CDH2: variants seen among roughly 807,000 people sequenced by gnomAD.
CDH2 encodes cadherin-2.
In CDH2, 17 loss-of-function variants were observed where a neutral mutation model predicts 92.0. The observed-to-expected ratio is 0.18, with a 90% confidence interval of 0.13 to 0.28. The LOEUF (loss-of-function observed/expected upper bound fraction) is 0.28. Ranked by LOEUF, CDH2 falls within the 10% of genes least tolerant of loss-of-function variation. The probability of loss-of-function intolerance (pLI) is 1.00; values close to 1 mark genes in which losing one functional copy is unlikely to be tolerated. For synonymous variants in CDH2, 419 were observed against 415.9 expected, an observed-to-expected ratio of 1.01 and a Z score of -0.09; for missense variants, 862 against 1,133.1, an observed-to-expected ratio of 0.76 and a Z score of 3.44.
At chr18:28,024,340 G>A (rs527958833) in intron 2 of CDH2, among the ~76,000 whole-genome samples, 2 of 151,782 alleles carry the variant, frequency 1.3e-5, no homozygotes, top group African/African-American at 4.8e-5. Context: ...AATATCCTTT[G>A]TGTTGGGAAA....
At chr18:28,125,423 T>A (rs12969129) in intron 2 of CDH2, among the ~76,000 whole-genome samples, 18,271 of 151,336 alleles carry the variant, frequency 0.12, 1,442 homozygotes, top group Admixed American at 0.18. Flanking sequence ...TAAAAAAAAA[T>A]TTTTTTTTCA....
chr18:28,026,360 C>T (rs1436325129), intron 2 of CDH2, among the ~76,000 whole-genome samples: 1 of 152,132 alleles, frequency 6.6e-6, no homozygotes, highest in Non-Finnish European at 1.5e-5. Context: ...AATGTAAAGG[C>T]TATTTGGATC....
chr18:28,115,583 T>C (rs1179962694), intron 2 of CDH2, among the ~76,000 whole-genome samples: 1 of 152,110 alleles, frequency 6.6e-6, no homozygotes. Context: ...TACACAATCC[T>C]GAGGATAGAC....
intron 2 of CDH2, among the ~76,000 whole-genome samples, chr18:28,121,172 G>A (rs544700015): frequency 6.6e-6 from 1 of 152,120 alleles, no homozygotes; most frequent in African/African-American, 2.4e-5. Context: ...TTACCCAGGG[G>A]TTTAGGGTCA....
At chr18:27,971,108 C>T (rs17493226) in intron 14 of CDH2, among the ~76,000 whole-genome samples, 1,908 of 152,132 alleles carry the variant, frequency 0.013, 40 homozygotes, top group African/African-American at 0.044. Flanking sequence ...TCGTGGCACA[C>T]GCCTGTAATC....
rs537521674 is a variant in CDH2, at chr18:28,066,196, T to C, written c.173-52287A>G. Reference sequence around the variant, plus strand: ...CTGAACTAAACAATAATAAACAATATTTCAATTGCACACAGGAAGAAGAAA... The same window carrying C: ...CTGAACTAAACAATAATAAACAATACTTCAATTGCACACAGGAAGAAGAAA... On this transcript the variant is annotated intron_variant, in intron 2 of 15. Coordinates refer to ENST00000269141, the MANE Select transcript of CDH2 (RefSeq NM_001792.5). 2.6e-5 allele frequency among the ~76,000 whole-genome samples: 4 copies of C among 152,232 alleles called. No homozygotes were observed. In the South Asian group the frequency reaches 8.3e-4, roughly 32 times the overall value.
chr18:27,935,465 A>G (rs776013389), intron 6 of CDH2, among the ~76,000 whole-genome samples: 25 of 152,174 alleles, frequency 1.6e-4, no homozygotes, highest in Non-Finnish European at 2.6e-4. Flanking sequence ...TGATACAATC[A>G]TCTCCCACTA....
intron 2 of CDH2, among the ~76,000 whole-genome samples, chr18:28,091,275 C>T (rs1479864013): frequency 6.6e-6 from 1 of 152,208 alleles, no homozygotes; most frequent in Admixed American, 6.5e-5. Context: ...CTCAATCCCT[C>T]ATTTCCCCCC....
At chr18:28,054,471 C>A (rs2014253436) in intron 2 of CDH2, among the ~76,000 whole-genome samples, 1 of 152,142 alleles carries the variant, frequency 6.6e-6, no homozygotes, top group South Asian at 2.1e-4. Context: ...GGCAAACGGG[C>A]ATGTCTTGAC....
At chr18:28,171,610 C>T (rs920808008) in intron 1 of CDH2, among the ~76,000 whole-genome samples, 3 of 152,218 alleles carry the variant, frequency 2.0e-5, no homozygotes, top group South Asian at 2.1e-4. Flanking sequence ...CGATAAACTA[C>T]GGTTAATAAA....
At chr18:28,087,218 G>C (rs2014948527) in intron 2 of CDH2, among the ~76,000 whole-genome samples, 1 of 152,130 alleles carries the variant, frequency 6.6e-6, no homozygotes, top group African/African-American at 2.4e-5. Context: ...CAGGATGAAA[G>C]ACAAGTTTGA....
chr18:28,056,437 T>C (rs905304722), intron 2 of CDH2, among the ~76,000 whole-genome samples: 3 of 152,180 alleles, frequency 2.0e-5, no homozygotes, highest in Non-Finnish European at 4.4e-5. Flanking sequence ...AAAGATTCTA[T>C]GTTTTATCAC....
At chr18:28,167,925 CTTTA>C (rs1470380009) in intron 1 of CDH2, among the ~76,000 whole-genome samples, 2 of 152,032 alleles carry the variant, frequency 1.3e-5, no homozygotes, top group Admixed American at 6.6e-5. Context: ...ACAGACTTTT[CTTTA>C]TTTACTCAAC....
At chr18:28,136,335 G>T (rs1373907618) in intron 2 of CDH2, among the ~76,000 whole-genome samples, 2 of 151,512 alleles carry the variant, frequency 1.3e-5, no homozygotes, top group African/African-American at 2.4e-5. Flanking sequence ...GAGCTTTCAG[G>T]TCTAGGAATG....
chr18:27,935,631 G>A (rs1004641958), intron 6 of CDH2, among the ~76,000 whole-genome samples: 17 of 151,896 alleles, frequency 1.1e-4, no homozygotes, highest in South Asian at 1.0e-3. Context: ...CTATGGTACT[G>A]CCTTGTGTAG....
intron 2 of CDH2, among the ~76,000 whole-genome samples, chr18:28,137,920 G>T (rs2015891125): frequency 6.6e-6 from 1 of 151,988 alleles, no homozygotes; most frequent in African/African-American, 2.4e-5. Flanking sequence ...TCTATTTTAA[G>T]AAAATCACAG....
At chr18:28,042,286 T>G (rs2144107880) in intron 2 of CDH2, among the ~76,000 whole-genome samples, 1 of 152,304 alleles carries the variant, frequency 6.6e-6, no homozygotes, top group South Asian at 2.1e-4. Flanking sequence ...AAATAACGTT[T>G]TATTACTTTA....
chr18:28,007,165 A>AAAAATATATATATATATAT (rs1172779200), intron 5 of CDH2, among the ~76,000 whole-genome samples: 28 of 110,486 alleles, frequency 2.5e-4, no homozygotes, highest in African/African-American at 7.1e-4. Context: ...ATAAAAAAAA[A>AAAAATATATATATATATAT]ATATATATAT....
chr18:28,143,700 T>A (rs2015990448), intron 2 of CDH2, among the ~76,000 whole-genome samples: 1 of 151,830 alleles, frequency 6.6e-6, no homozygotes, highest in Non-Finnish European at 1.5e-5. Context: ...TTTTTTATCA[T>A]CACCATCATC....
Sources: allele counts gnomAD v4.1 joint callset (sites outside exome capture counted in the v4.1 genomes callset), GRCh38; gene constraint gnomAD v4.1.1; transcripts MANE v1.5; gene names NCBI Gene and HGNC (gene_info 2026-07-23, HGNC 2026-07-21).